The following ODAD2 variants were observed in gnomAD, a reference collection of about 807,000 sequenced individuals.
ODAD2 encodes the protein outer dynein arm-docking complex subunit 2.
A neutral mutation model predicts 106.8 loss-of-function variants in ODAD2; 89 were observed. That is an observed-to-expected ratio of 0.83 (90% confidence interval 0.70 to 0.99). The LOEUF (loss-of-function observed/expected upper bound fraction) is 0.99, where lower values mean the gene tolerates loss of function less well. Among genes scored for constraint, ODAD2 ranks in the 50% least tolerant of loss-of-function variants. ODAD2 has a pLI of 0.00. For synonymous variants in ODAD2, 404 were observed against 436.2 expected (o/e 0.93, Z 0.92); for missense variants, 1,168 against 1,238.5 (o/e 0.94, Z 0.85).
At position 27,935,097 on chromosome 10, in the gene ODAD2, A is replaced by G. The variant is rs757057849; in HGVS notation, c.2408T>C (p.Val803Ala). The G allele has an allele frequency of 2.2e-5, 35 of 1,613,932 alleles. No individual in the cohort carries two copies. The highest frequency in any genetic ancestry group is 1.2e-4 in the South Asian group (11 of 91,088). ...TTGGTTTATTCCAACAAGGAGGTTC[A>G]CAAGTGGTTGAATGCCACCACATTT... ...VRKCGGIQPL[V>A]NLLVGINQAL... Residue 803 changes from valine to alanine, a missense_variant, in exon 16 of 20, where the codon GTG (valine) becomes GCG (alanine). Physicochemically the swap from Val to Ala is moderately conservative, Grantham distance 64 (BLOSUM62 0). This residue lies in a region of ODAD2 where 701 missense variants were observed against 712.3 expected (regional missense o/e 0.98). Transcript: ENST00000305242.
chr10:27,879,844 C>G (rs1841584288), intron 17 of ODAD2, among the ~76,000 whole-genome samples: 1 of 152,110 alleles, frequency 6.6e-6, no homozygotes, highest in Non-Finnish European at 1.5e-5. Context: ...CCTAATATTC[C>G]AAGCCAGCTG....
chr10:27,975,873 A>G (rs140577392), intron 7 of ODAD2, among the ~76,000 whole-genome samples: 1 of 152,284 alleles, frequency 6.6e-6, no homozygotes, highest in African/African-American at 2.4e-5. Flanking sequence ...CACACTAATA[A>G]CTTTATGAAT....
chr10:27,992,238 A>G (rs189509452), intron 2 of ODAD2, among the ~76,000 whole-genome samples: 7 of 152,330 alleles, frequency 4.6e-5, no homozygotes, highest in African/African-American at 1.4e-4. Flanking sequence ...CCCTTCCAAC[A>G]TCAAAGATAT....
chr10:27,864,202 G>A (rs1211066960), intron 17 of ODAD2, among the ~76,000 whole-genome samples: 2 of 151,520 alleles, frequency 1.3e-5, no homozygotes. Context: ...CTTGCTTGGA[G>A]AAGATAGAGA....
chr10:27,818,038 G>C (rs61752511), intron 19 of ODAD2, among the ~76,000 whole-genome samples: 110 of 151,756 alleles, frequency 7.2e-4, no homozygotes, highest in Admixed American at 1.1e-3. Flanking sequence ...TTATCCTGGA[G>C]TATGGAGTGC....
At chr10:27,852,917 C>T (rs1213409801) in intron 19 of ODAD2, among the ~76,000 whole-genome samples, 4 of 139,236 alleles carry the variant, frequency 2.9e-5, no homozygotes, top group Non-Finnish European at 4.6e-5. Flanking sequence ...GCTGAGATCG[C>T]GCCGTTGCAC....
intron 19 of ODAD2, among the ~76,000 whole-genome samples, chr10:27,848,165 T>C (rs187109622): frequency 1.7e-4 from 26 of 152,176 alleles, no homozygotes; most frequent in African/African-American, 5.3e-4. Context: ...TACCTGACTT[T>C]AAACTATACT....
intron 17 of ODAD2, among the ~76,000 whole-genome samples, chr10:27,896,477 T>C (rs927021552): frequency 2.3e-4 from 35 of 152,208 alleles, no homozygotes; most frequent in Non-Finnish European, 7.4e-5. Context: ...GATTGAAAGA[T>C]AGAGAGATAG....
intron 16 of ODAD2, among the ~76,000 whole-genome samples, chr10:27,911,645 G>T (rs559232452): frequency 1.3e-5 from 2 of 152,116 alleles, no homozygotes; most frequent in Non-Finnish European, 2.9e-5. Flanking sequence ...AGCCATCTCC[G>T]TATTTTACAT....
In ODAD2 at chr10:27,940,007, C is replaced by T. The variant is rs765376476; in HGVS notation, c.1987G>A (p.Glu663Lys). 12 of 1,598,902 alleles carry T rather than the reference C, an allele frequency of 7.5e-6. No homozygotes were observed. The highest frequency in any genetic ancestry group is 9.4e-6 in the Non-Finnish European group (11 of 1,172,540). ...VGTLQECASE[E>K]NYRAAIKAER... ...GCTTTGATTGCAGCCCGGTAGTTTT[C>T]CTAGGAATAAAAACCTACATATTTA... The change falls in exon 14 of 20, where the codon GAA becomes AAA. Residue 663 changes from glutamate (E) to lysine (K), a missense_variant and splice_region_variant. By Grantham distance (56) the Glu-to-Lys change is moderately conservative (BLOSUM62 1). Around this residue, in one of 3 missense-constraint regions of ODAD2, gnomAD observed 701 missense variants for 712.3 expected, o/e 0.98. Transcript: ENST00000305242.
At chr10:27,920,415 T>C (rs1187403938) in intron 16 of ODAD2, among the ~76,000 whole-genome samples, 1 of 152,182 alleles carries the variant, frequency 6.6e-6, no homozygotes, top group African/African-American at 2.4e-5. Flanking sequence ...TTCTTTCATC[T>C]ATTAATATGC....
chr10:27,834,630 G>A (rs954106913), intron 19 of ODAD2, among the ~76,000 whole-genome samples: 1 of 152,174 alleles, frequency 6.6e-6, no homozygotes, highest in Non-Finnish European at 1.5e-5. Flanking sequence ...CAGGCAGGGG[G>A]CAGATCGTGA....
At chr10:27,916,455 G>A (rs1590011000) in intron 16 of ODAD2, among the ~76,000 whole-genome samples, 1 of 152,198 alleles carries the variant, frequency 6.6e-6, no homozygotes, top group East Asian at 1.9e-4. Context: ...TGTCAATGAA[G>A]AGAATTATAA....
At chr10:27,834,804 C>A (rs1406446444) in intron 19 of ODAD2, among the ~76,000 whole-genome samples, 1 of 152,134 alleles carries the variant, frequency 6.6e-6, no homozygotes, top group African/African-American at 2.4e-5. Context: ...TCTCAGATGT[C>A]CTTGTTTACC....
intron 14 of ODAD2, among the ~76,000 whole-genome samples, chr10:27,939,654 C>T (rs1846243652): frequency 6.6e-6 from 1 of 152,232 alleles, no homozygotes; most frequent in Non-Finnish European, 1.5e-5. Flanking sequence ...GGGAGGATCA[C>T]TTCAGCCCAG....
intron 17 of ODAD2, chr10:27,904,153 A>C (rs1346874582): frequency 9.4e-6 from 2 of 213,734 alleles, no homozygotes; most frequent in African/African-American, 4.6e-5. Context: ...CAGCTCTGTA[A>C]GCATAAATGA....
chr10:27,927,787 T>G lies in ODAD2; in HGVS notation c.2495+7223A>C, dbSNP rs111692906. Among the ~76,000 whole-genome samples the G allele has an allele frequency of 7.0e-3, 1,071 of 152,230 alleles. 16 individuals carry two copies. The highest frequency in any genetic ancestry group is 0.024 in the African/African-American group (1,006 of 41,562). On this transcript the variant is annotated intron_variant, in intron 16 of 19. Coordinates refer to ENST00000305242, the MANE Select transcript of ODAD2 (RefSeq NM_018076.5). Reference sequence around the variant, plus strand: ...ATGCCTGTTTCTTTACAGAGACTTTTTCTTCATTCTCCTTAATGATTGAGT... The same window carrying G: ...ATGCCTGTTTCTTTACAGAGACTTTGTCTTCATTCTCCTTAATGATTGAGT...
chr10:27,971,045 G>T, intron 8 of ODAD2, 63 bp downstream of exon 8: 1 of 816,630 alleles, frequency 1.2e-6, no homozygotes, highest in Non-Finnish European at 1.8e-6. Flanking sequence ...AAAGTTCTGT[G>T]AAAAATTAGG....
intron 16 of ODAD2, among the ~76,000 whole-genome samples, chr10:27,926,623 T>C (rs1328801643): frequency 6.6e-6 from 1 of 152,196 alleles, no homozygotes; most frequent in African/African-American, 2.4e-5. Context: ...TGTTTTGTGT[T>C]GTCTCTCTGC....
Sources: gnomAD v4.1 joint callset for allele counts (sites outside exome capture counted in the v4.1 genomes callset) on GRCh38, gnomAD v4.1.1 for gene constraint, gnomAD v4.1.1 regional missense constraint, MANE v1.5 for transcripts, NCBI Gene and HGNC (gene_info 2026-07-23, HGNC 2026-07-21) for gene names.